Variants in MECOM observed in about 807,000 individuals in gnomAD.
MECOM encodes MDS1 and EVI1 complex locus.
In MECOM, 13 loss-of-function variants were observed where a neutral mutation model predicts 116.3. That is an observed-to-expected ratio of 0.11 (90% CI 0.07 to 0.18). The LOEUF (loss-of-function observed/expected upper bound fraction) is 0.18, where lower values mean the gene tolerates loss of function less well. MECOM is among the 10% of genes least tolerant of loss of function. MECOM has a pLI of 1.00. For synonymous variants in MECOM, 528 were observed against 535.2 expected (o/e 0.99, Z 0.19); for missense variants, 1,299 against 1,509.0 (o/e 0.86, Z 2.31).
At chr3:169,232,959 C>T (rs567803477) in intron 2 of MECOM, among the ~76,000 whole-genome samples, 9 of 152,104 alleles carry the variant, frequency 5.9e-5, no homozygotes, top group Admixed American at 1.3e-4. Context: ...AGACCATTCA[C>T]CCAGGTCAGT....
chr3:169,531,538 A>G (rs889387493), intron 1 of MECOM, among the ~76,000 whole-genome samples: 10 of 152,208 alleles, frequency 6.6e-5, no homozygotes, highest in Non-Finnish European at 1.5e-4. Flanking sequence ...ATTGAACCTC[A>G]GCGAAATTAA....
chr3:169,663,226 G>A, intron 1 of MECOM, 110 bp downstream of exon 1: 2 of 1,316,938 alleles, frequency 1.5e-6, no homozygotes, highest in Non-Finnish European at 2.1e-6. Flanking sequence ...CCCTCCACCC[G>A]GGGCCCCGGC....
intron 2 of MECOM, among the ~76,000 whole-genome samples, chr3:169,213,238 AAT>A (rs1349136886): frequency 1.3e-5 from 2 of 152,086 alleles, no homozygotes; most frequent in South Asian, 2.1e-4. Context: ...GTGCTTGAAA[AAT>A]ATCTTTTGAA....
intron 1 of MECOM, among the ~76,000 whole-genome samples, chr3:169,559,366 A>ATG (rs769402065): frequency 2.0e-5 from 3 of 152,244 alleles, no homozygotes; most frequent in Middle Eastern, 3.4e-3. Context: ...TTCATCATGT[A>ATG]TGTGTGTGTG....
intron 1 of MECOM, among the ~76,000 whole-genome samples, chr3:169,388,912 T>G (rs1039502373): frequency 6.6e-6 from 1 of 152,186 alleles, no homozygotes; most frequent in Non-Finnish European, 1.5e-5. Context: ...CCTAAAAATA[T>G]TTCATATACG....
intron 5 of MECOM, among the ~76,000 whole-genome samples, chr3:169,123,976 C>T (rs546401450): frequency 6.6e-6 from 1 of 152,162 alleles, no homozygotes; most frequent in Admixed American, 6.5e-5. Flanking sequence ...TCTGCTTTTC[C>T]TATGTAAACT....
At chr3:169,248,635 A>G (rs1755882425) in intron 2 of MECOM, among the ~76,000 whole-genome samples, 1 of 152,194 alleles carries the variant, frequency 6.6e-6, no homozygotes, top group African/African-American at 2.4e-5. Context: ...ATGCCTGAGA[A>G]TATGACCATA....
At chr3:169,521,510 G>C (rs1035981652) in intron 1 of MECOM, among the ~76,000 whole-genome samples, 3 of 152,138 alleles carry the variant, frequency 2.0e-5, no homozygotes, top group Admixed American at 6.5e-5. Context: ...ATTTCATGTG[G>C]TTAACCCAAA....
chr3:169,405,129 C>T (rs373808083), intron 1 of MECOM, among the ~76,000 whole-genome samples: 9 of 152,304 alleles, frequency 5.9e-5, no homozygotes, highest in East Asian at 1.9e-4. Flanking sequence ...AATGTTCTAT[C>T]GCTGTGCTAG....
intron 2 of MECOM, among the ~76,000 whole-genome samples, chr3:169,287,994 C>T (rs9813338): frequency 0.088 from 13,347 of 152,186 alleles, 1,555 homozygotes; most frequent in African/African-American, 0.26. Context: ...AACATCTGCT[C>T]ATTATTCAAC....
At chr3:169,292,268 G>A (rs1201255292) in intron 2 of MECOM, among the ~76,000 whole-genome samples, 1 of 152,024 alleles carries the variant, frequency 6.6e-6, no homozygotes, top group Non-Finnish European at 1.5e-5. Context: ...CAGGAGGCAG[G>A]GTAGCAGTGA....
chr3:169,485,955 ACATATATAC>A (rs1196850699), intron 1 of MECOM, among the ~76,000 whole-genome samples: 9 of 87,294 alleles, frequency 1.0e-4, no homozygotes, highest in African/African-American at 2.2e-4. Context: ...GTATATATGT[ACATATATAC>A]TATATATACA....
At chr3:169,097,875 T>C (rs1366736893) in intron 12 of MECOM, among the ~76,000 whole-genome samples, 1 of 143,650 alleles carries the variant, frequency 7.0e-6, no homozygotes, top group Non-Finnish European at 1.5e-5. Context: ...TGTGGTCTAC[T>C]GGTATTTATC....
chr3:169,115,930 A>C lies in MECOM; in HGVS notation c.1942T>G (p.Leu648Val). 6.2e-7 allele frequency: 1 copy of C among 1,614,070 alleles called. No homozygotes were observed. Among genetic ancestry groups the C allele is most frequent in the Non-Finnish European group, 8.5e-7 (1 of 1,180,018 alleles). ...CCTGACACCGCAGTCTGCTCCTCTA[A>C]AGATGGTGAGAAAATGGAATGATTG... ...YSNHSIFSPS[L>V]EEQTAVSGAV... The change falls in exon 8 of 17, where the codon TTA becomes GTA. Residue 648 changes from leucine (L) to valine (V), a missense_variant. Coordinates refer to ENST00000651503, the MANE Select transcript of MECOM (RefSeq NM_004991.4).
intron 1 of MECOM, among the ~76,000 whole-genome samples, chr3:169,583,929 T>C (rs1765428483): frequency 6.6e-6 from 1 of 152,204 alleles, no homozygotes; most frequent in Admixed American, 6.5e-5. Context: ...AATCAATTAT[T>C]TGAGAAATAT....
intron 1 of MECOM, among the ~76,000 whole-genome samples, chr3:169,632,661 C>A (rs1248064864): frequency 6.6e-6 from 1 of 152,172 alleles, no homozygotes; most frequent in African/African-American, 2.4e-5. Flanking sequence ...AGAGTCACTT[C>A]TCTCACGTGC....
At chr3:169,165,261 T>A (rs1339964534) in intron 2 of MECOM, among the ~76,000 whole-genome samples, 1 of 152,158 alleles carries the variant, frequency 6.6e-6, no homozygotes, top group Admixed American at 6.6e-5. Context: ...AGTTGAGCAT[T>A]CATTCTAGTG....
At chr3:169,536,781 G>A (rs2109193881) in intron 1 of MECOM, among the ~76,000 whole-genome samples, 1 of 152,236 alleles carries the variant, frequency 6.6e-6, no homozygotes, top group South Asian at 2.1e-4. Flanking sequence ...TGATCTAGAG[G>A]ATAATGACAA....
intron 1 of MECOM, among the ~76,000 whole-genome samples, chr3:169,609,647 T>C (rs1392781983): frequency 6.6e-6 from 1 of 152,152 alleles, no homozygotes; most frequent in Admixed American, 6.6e-5. Context: ...AATTATAGTC[T>C]CTGTAAATAA....
Sources: allele counts gnomAD v4.1 joint callset (sites outside exome capture counted in the v4.1 genomes callset), GRCh38; gene constraint gnomAD v4.1.1; transcripts MANE v1.5; gene names NCBI Gene and HGNC (gene_info 2026-07-23, HGNC 2026-07-21).